Variants in CFAP43 observed in about 807,000 individuals in gnomAD.
CFAP43 encodes the protein cilia- and flagella-associated protein 43.
Under a neutral mutation model 218.9 loss-of-function variants are expected in CFAP43, and 155 were observed. The ratio of observed to expected loss-of-function variants is 0.71; its 90% CI spans 0.62 to 0.81. CFAP43 has a LOEUF of 0.81. Ranked by LOEUF, CFAP43 falls within the 30% of genes least tolerant of loss-of-function variation. The pLI is 0.00. For missense variants in CFAP43, 1,778 were observed against 1,954.3 expected (o/e 0.91, Z 1.70); for synonymous variants, 645 against 681.3 (o/e 0.95, Z 0.83).
chr10:104,162,088 A>T (rs2088905693), intron 25 of CFAP43, 47 bp from the exon 26 acceptor site: 6 of 1,576,844 alleles, frequency 3.8e-6, no homozygotes, highest in Non-Finnish European at 5.2e-6. Context: ...CAGAGACCTG[A>T]CATTCCAGGT....
At chr10:104,206,267 C>A (rs563902338) in intron 6 of CFAP43, among the ~76,000 whole-genome samples, 1 of 152,102 alleles carries the variant, frequency 6.6e-6, no homozygotes, top group African/African-American at 2.4e-5. Context: ...AACCTCATGG[C>A]CTCAGTTTTA....
chr10:104,140,816 A>C (rs1214923175), intron 34 of CFAP43, 26 bp downstream of exon 34: 2 of 1,545,136 alleles, frequency 1.3e-6, no homozygotes, highest in Non-Finnish European at 1.7e-6. Flanking sequence ...ACCTTGAATT[A>C]AAATAAAAAT....
intron 10 of CFAP43, 83 bp downstream of exon 10, chr10:104,196,770 A>T: frequency 8.7e-7 from 1 of 1,153,948 alleles, no homozygotes; most frequent in South Asian, 1.5e-5. Context: ...GTATTTCTAC[A>T]GACTATTGAC....
intron 2 of CFAP43, among the ~76,000 whole-genome samples, chr10:104,228,543 T>C (rs1283251512): frequency 2.0e-5 from 3 of 152,194 alleles, no homozygotes; most frequent in African/African-American, 7.2e-5. Context: ...TTGGAATCAT[T>C]TGAGTACTCC....
chr10:104,205,839 A>G, intron 7 of CFAP43, 124 bp downstream of exon 7: 1 of 805,560 alleles, frequency 1.2e-6, no homozygotes, highest in Non-Finnish European at 2.0e-6. Context: ...CAAAGAGGAA[A>G]CCATTTTAAT....
Position 104,168,725 on chromosome 10 carries a change from C to G in CFAP43, c.2691+19G>C. ...TGACAATTCTCATCAGGTTTTGTACCTAGGGTTCTATCTGTTACCTTAAGA... is the reference window on the plus strand; with the variant it reads ...TGACAATTCTCATCAGGTTTTGTACGTAGGGTTCTATCTGTTACCTTAAGA... On this transcript the variant is annotated intron_variant, in intron 21 of 37. Transcript: ENST00000357060. 6.3e-7 allele frequency: 1 copy of G among 1,586,102 alleles called. No homozygotes were observed. Among genetic ancestry groups the G allele is most frequent in the Non-Finnish European group, 8.7e-7 (1 of 1,155,260 alleles).
intron 34 of CFAP43, among the ~76,000 whole-genome samples, chr10:104,137,087 AC>A (rs2087487667): frequency 6.6e-6 from 1 of 152,244 alleles, no homozygotes; most frequent in South Asian, 2.1e-4. Flanking sequence ...AGTTAAACAT[AC>A]AATGACCATA....
chr10:104,140,147 A>C lies in CFAP43; in HGVS notation c.4431+695T>G, dbSNP rs145167790. Among the ~76,000 whole-genome samples, 308 of 152,330 alleles carry C rather than the reference A, an allele frequency of 2.0e-3. 2 individuals carry two copies. The highest frequency in any genetic ancestry group is 5.0e-3 in the Admixed American group (76 of 15,306). Reference sequence around the variant, plus strand: ...GAATATTTTTTTAGGACTCAATTATACCTAAAGCTTATACAGAAATAACAT... The same window carrying C: ...GAATATTTTTTTAGGACTCAATTATCCCTAAAGCTTATACAGAAATAACAT... On this transcript the variant is annotated intron_variant, in intron 34 of 37. Transcript: ENST00000357060.
rs561794976 is a variant in CFAP43 at position 104,220,834 on chromosome 10, G to A, written c.416+4627C>T. Among the ~76,000 whole-genome samples, 3 of 152,320 alleles carry A rather than the reference G, an allele frequency of 2.0e-5. No homozygotes were observed. The South Asian group carries it at 6.2e-4, about 32-fold the overall frequency. On this transcript the variant is annotated intron_variant, in intron 3 of 37. Transcript: ENST00000357060. ...AATGCTATGATTGTATGCCCTGGTA[G>A]AACAGTTAAGTTTAAGGTCCTAAGG...
At chr10:104,156,341 G>A (rs887176112) in intron 27 of CFAP43, among the ~76,000 whole-genome samples, 2 of 152,034 alleles carry the variant, frequency 1.3e-5, no homozygotes, top group East Asian at 1.9e-4. Context: ...TTCTTAGCGG[G>A]ATATAGTCTA....
chr10:104,213,484 T>A (rs965881091), intron 4 of CFAP43, among the ~76,000 whole-genome samples: 1 of 152,162 alleles, frequency 6.6e-6, no homozygotes, highest in Non-Finnish European at 1.5e-5. Context: ...CTCCCATGGC[T>A]CCACTATACA....
intron 12 of CFAP43, among the ~76,000 whole-genome samples, chr10:104,191,814 T>C (rs1170963544): frequency 1.3e-5 from 2 of 151,628 alleles, no homozygotes; most frequent in Non-Finnish European, 2.9e-5. Context: ...ACATATACAG[T>C]TGGCATGTAA....
At chr10:104,188,037 G>A (rs975290864) in intron 13 of CFAP43, among the ~76,000 whole-genome samples, 1 of 152,136 alleles carries the variant, frequency 6.6e-6, no homozygotes, top group African/African-American at 2.4e-5. Context: ...TGATGTGTCC[G>A]TTGATCCTAT....
In CFAP43 at chr10:104,145,532, A is replaced by C. The variant is rs781570163; in HGVS notation, c.3888T>G (p.Ser1296=). ...VMDRSFKKEF[S]EIPGHQVDIL... is the part of the protein sequence containing the mutation. ...TATCCACTTGATGACCAGGAATTTC[A>C]GAAAATTCCTTTTTAAAGCTGCGAT... Residue 1296 remains serine (S), a synonymous_variant, in exon 31 of 38, where the codon TCT becomes TCG. Coordinates refer to ENST00000357060, the MANE Select transcript of CFAP43 (RefSeq NM_025145.7). The C allele has an allele frequency of 1.2e-6, 2 of 1,603,478 alleles. No individual in the cohort carries two copies. Among genetic ancestry groups the C allele is most frequent in the Admixed American group, 3.3e-5 (2 of 59,956 alleles).
At chr10:104,179,438 CACGAGCTGTA>C (rs2089746044) in intron 18 of CFAP43, among the ~76,000 whole-genome samples, 2 of 152,212 alleles carry the variant, frequency 1.3e-5, no homozygotes, top group African/African-American at 4.8e-5. Context: ...TAAATCCAGA[CACGAGCTGTA>C]ATCAGTCAGT....
chr10:104,168,420 T>A (rs2089272674), intron 21 of CFAP43, among the ~76,000 whole-genome samples: 1 of 152,128 alleles, frequency 6.6e-6, no homozygotes, highest in South Asian at 2.1e-4. Context: ...TGAACCAGAT[T>A]TCGTCTACCT....
At chr10:104,167,346 T>C (rs10748861) in intron 22 of CFAP43, among the ~76,000 whole-genome samples, 92,868 of 152,080 alleles carry the variant, frequency 0.61, 32,687 homozygotes, top group East Asian at 0.82. Flanking sequence ...ACAACCTCTG[T>C]GCAGGATAAG....
At chr10:104,180,672 C>T (rs769309833) in intron 17 of CFAP43, among the ~76,000 whole-genome samples, 6 of 152,046 alleles carry the variant, frequency 3.9e-5, no homozygotes, top group Non-Finnish European at 5.9e-5. Context: ...GTCTTGATCT[C>T]CTAACCTCGT....
chr10:104,175,452 T>C (rs1017483814), intron 19 of CFAP43, among the ~76,000 whole-genome samples: 2 of 152,144 alleles, frequency 1.3e-5, no homozygotes, highest in Non-Finnish European at 2.9e-5. Context: ...GATGTAAATA[T>C]ATAAATATAC....
Sources: gnomAD v4.1 joint callset for allele counts (sites outside exome capture counted in the v4.1 genomes callset) on GRCh38, gnomAD v4.1.1 for gene constraint, MANE v1.5 for transcripts, NCBI Gene and HGNC (gene_info 2026-07-23, HGNC 2026-07-21) for gene names.